Variants in VWA5A observed in about 807,000 individuals in gnomAD.
VWA5A encodes the protein von Willebrand factor A domain-containing protein 5A.
VWA5A carries 77 observed loss-of-function variants against 84.6 expected under a neutral mutation model. The ratio of observed to expected loss-of-function variants is 0.91; its 90% CI spans 0.76 to 1.10. The LOEUF (loss-of-function observed/expected upper bound fraction) is 1.10, where lower values mean the gene tolerates loss of function less well. VWA5A is among the 50% of genes least tolerant of loss of function. The pLI is 0.00. For missense variants in VWA5A, 973 were observed against 963.0 expected, an observed-to-expected ratio of 1.01 and a Z score of -0.14; for synonymous variants, 334 against 350.1, an observed-to-expected ratio of 0.95 and a Z score of 0.51.
chr11:124,117,463 C>G lies in VWA5A; in HGVS notation c.-15-34C>G, dbSNP rs139509037. ...TGGTGTTTGAACAGATAACTTCCAA[C>G]ATGTCCTCTGTTTGTGATATGTCTT... On this transcript the variant is annotated intron_variant, in intron 2 of 18. Coordinates refer to ENST00000456829, the MANE Select transcript of VWA5A (RefSeq NM_001130142.2). 787 of 1,598,692 alleles carry G rather than the reference C, an allele frequency of 4.9e-4. 2 individuals are homozygous for G. In the African/African-American group the frequency reaches 8.8e-3, roughly 18 times the overall value.
rs778069604 is a variant in VWA5A at position 124,123,027 on chromosome 11, A to G, written c.828A>G (p.Ser276=). The change falls in exon 8 of 19, where the codon TCA becomes TCG. Residue 276 remains serine (S), a synonymous_variant. Coordinates refer to ENST00000456829, the MANE Select transcript of VWA5A (RefSeq NM_001130142.2). Reference sequence around the variant, plus strand: ...CAAATATCCCAGAAGATCAACCATCAAATACCTGTGGAGAGTTTATCTTTC... The same window carrying G: ...CAAATATCCCAGAAGATCAACCATCGAATACCTGTGGAGAGTTTATCTTTC... ...FYPNIPEDQP[S]NTCGEFIFLM... 2.5e-6 allele frequency: 4 copies of G among 1,614,180 alleles called. No homozygotes were observed. The highest frequency in any genetic ancestry group is 3.4e-6 in the Non-Finnish European group (4 of 1,180,028).
rs963554313 is a variant in VWA5A, at chr11:124,117,345, C to A, written c.-15-152C>A. 3 of 738,540 alleles carry A rather than the reference C, an allele frequency of 4.1e-6. No individual in the cohort carries two copies. The African/African-American group carries it at 5.2e-5, about 13-fold the overall frequency. The allele number at this position is 738,540 out of a possible 1,614,324, so 45.7% of individuals were successfully genotyped here. A position where few individuals can be genotyped will look rare whatever the true frequency, so the allele number is the denominator to read the frequency against. On this transcript the variant is annotated intron_variant, in intron 2 of 18. Coordinates refer to ENST00000456829, the MANE Select transcript of VWA5A (RefSeq NM_001130142.2). ...TTAAAAGGACCCTTATGACTGAAAT[C>A]TTTGTCTCCTTTTTTTTAAAGGTTC...
rs551469534 is a variant in VWA5A at position 124,123,409 on chromosome 11, A to G, written c.974A>G (p.Tyr325Cys). 2.4e-4 allele frequency: 393 copies of G among 1,614,020 alleles called. 4 individuals are homozygous for G. The South Asian group carries it at 4.0e-3, about 16-fold the overall frequency. ...CTGAAGAGTTTACCTATAGGCTGTT[A>G]TTTCAACATCTATGGATTTGGCTCT... The part of the protein sequence containing the change: ...LLLKSLPIGC[Y>C]FNIYGFGSSY... The change falls in exon 9 of 19, where the codon TAT becomes TGT. Residue 325 changes from tyrosine to cysteine, a missense_variant. Coordinates refer to ENST00000456829, the MANE Select transcript of VWA5A (RefSeq NM_001130142.2).
chr11:124,130,295 A>C (rs10893150), intron 11 of VWA5A, among the ~76,000 whole-genome samples: 1 of 152,086 alleles, frequency 6.6e-6, no homozygotes, highest in African/African-American at 2.4e-5. Context: ...GTTTTGAATG[A>C]CTTTCTTAAT....
At chr11:124,135,116 C>T in intron 12 of VWA5A, 82 bp downstream of exon 12, 3 of 1,162,806 alleles carry the variant, frequency 2.6e-6, no homozygotes, top group Non-Finnish European at 3.7e-6. Context: ...TGTGTAAGGG[C>T]AGGGGTAGCA....
chr11:124,123,525 G>T, intron 9 of VWA5A, 71 bp downstream of exon 9: 1 of 1,599,980 alleles, frequency 6.3e-7, no homozygotes, highest in South Asian at 1.1e-5. Flanking sequence ...TGTTAAAGGG[G>T]TTACTGCGGA....
At chr11:124,122,151 G>A (rs546115841) in intron 7 of VWA5A, among the ~76,000 whole-genome samples, 2 of 152,268 alleles carry the variant, frequency 1.3e-5, no homozygotes, top group South Asian at 4.2e-4. Context: ...TCTTAAAAAT[G>A]GGATAAAGGA....
intron 10 of VWA5A, 89 bp from the exon 11 acceptor site, chr11:124,124,148 A>G (rs1009010154): frequency 1.6e-6 from 2 of 1,276,824 alleles, no homozygotes; most frequent in African/African-American, 1.5e-5. Context: ...AGCCTCTGCA[A>G]TGAAATAGGT....
chr11:124,124,700 T>C (rs1305774315), intron 11 of VWA5A: 1 of 364,572 alleles, frequency 2.7e-6, no homozygotes, highest in Non-Finnish European at 3.9e-6. Context: ...AAAACTGGAA[T>C]GGTCGTAGGC....
intron 11 of VWA5A, among the ~76,000 whole-genome samples, chr11:124,132,621 A>G (rs1472911863): frequency 1.3e-5 from 2 of 152,004 alleles, no homozygotes; most frequent in Non-Finnish European, 2.9e-5. Context: ...AATGTTGGTT[A>G]TTTGTGCCTT....
chr11:124,141,880 A>T, intron 16 of VWA5A, 139 bp downstream of exon 16: 2 of 1,250,582 alleles, frequency 1.6e-6, no homozygotes, highest in East Asian at 2.5e-5. Flanking sequence ...ATTGGAAAAG[A>T]TTCATTCCTC....
intron 17 of VWA5A, among the ~76,000 whole-genome samples, chr11:124,143,635 A>G (rs1258329193): frequency 6.6e-6 from 1 of 152,246 alleles, no homozygotes; most frequent in Non-Finnish European, 1.5e-5. Flanking sequence ...AATAAAATAT[A>G]TCAGTAAAAT....
At chr11:124,124,054 C>G (rs1864978766) in intron 10 of VWA5A, among the ~76,000 whole-genome samples, 183 bp from the exon 11 acceptor site, 1 of 152,064 alleles carries the variant, frequency 6.6e-6, no homozygotes, top group African/African-American at 2.4e-5. Context: ...CTAAAAATTC[C>G]CAGGGTTCTG....
Position 124,118,726 on chromosome 11 carries a change from A to G in VWA5A, c.645+18A>G. On this transcript the variant is annotated intron_variant, in intron 6 of 18. Coordinates refer to ENST00000456829, the MANE Select transcript of VWA5A (RefSeq NM_001130142.2). The stretch of plus-strand genomic sequence containing the variant: ...CTGCTCAGGTAGTTAATGAGAGAAT[A>G]CTGCTATTGTCAGTACCTCTGTTGC... The G allele has an allele frequency of 1.2e-6, 2 of 1,607,178 alleles. No individual in the cohort carries two copies. Among genetic ancestry groups the G allele is most frequent in the Non-Finnish European group, 1.7e-6 (2 of 1,176,142 alleles).
At chr11:124,125,594 T>C (rs752669295) in intron 11 of VWA5A, among the ~76,000 whole-genome samples, 4 of 152,212 alleles carry the variant, frequency 2.6e-5, no homozygotes, top group Non-Finnish European at 5.9e-5. Flanking sequence ...CTTATTATGG[T>C]TTTAACTTAC....
Position 124,117,542 on chromosome 11 carries a change from C to T in VWA5A, c.31C>T (p.His11Tyr), listed in dbSNP as rs146388977. ...GCACTTCTGTGGCCTACTCACCCTC[C>T]ACCGGGAGCCAGGTAAGCCTAATTT... MVHFCGLLTLHREPVPLKSIS... is the reference protein window; with the variant it reads MVHFCGLLTLYREPVPLKSIS... Residue 11 changes from histidine (H) to tyrosine (Y), a missense_variant, in exon 3 of 19, where the codon CAC becomes TAC. His to Tyr is a moderately conservative substitution (Grantham distance 83). Transcript: ENST00000456829. 131 of 1,614,102 alleles carry T rather than the reference C, an allele frequency of 8.1e-5. No individual in the cohort carries two copies. Among genetic ancestry groups the T allele is most frequent in the Non-Finnish European group, 9.9e-5 (117 of 1,180,054 alleles).
At chr11:124,131,794 T>G (rs1865101725) in intron 11 of VWA5A, among the ~76,000 whole-genome samples, 1 of 151,834 alleles carries the variant, frequency 6.6e-6, no homozygotes, top group African/African-American at 2.4e-5. Flanking sequence ...TCTCTTTTTC[T>G]TATTTTTTTT....
rs139058140 is a variant in VWA5A at position 124,127,051 on chromosome 11, G to A, written c.1244+2735G>A. 5.6e-3 allele frequency among the ~76,000 whole-genome samples: 848 copies of A among 152,160 alleles called. 10 individuals carry two copies. Among genetic ancestry groups the A allele is most frequent in the African/African-American group, 0.019 (804 of 41,496 alleles). On this transcript the variant is annotated intron_variant, in intron 11 of 18. Coordinates refer to ENST00000456829, the MANE Select transcript of VWA5A (RefSeq NM_001130142.2). Reference sequence around the variant, plus strand: ...ATTATGTTCTTTTTATTAAGTTCTGGGATGCATGTGCAGAACATGCAGGTT... The same window carrying A: ...ATTATGTTCTTTTTATTAAGTTCTGAGATGCATGTGCAGAACATGCAGGTT...
In VWA5A at chr11:124,145,923, A is replaced by G. The variant is rs1447841202; in HGVS notation, c.2339A>G (p.Asp780Gly). The G allele has an allele frequency of 3.8e-6, 6 of 1,587,386 alleles. No homozygotes were observed. Among genetic ancestry groups the G allele is most frequent in the Admixed American group, 3.4e-5 (2 of 58,450 alleles). ...AAITFLKSSVDPAIFAF is the reference protein window; with the variant it reads ...AAITFLKSSVGPAIFAF Reference sequence around the variant, plus strand: ...ATTACTTTCCTGAAGTCATCTGTGGATCCTGCTATCTTTGCCTTTTGAAGA... The same window carrying G: ...ATTACTTTCCTGAAGTCATCTGTGGGTCCTGCTATCTTTGCCTTTTGAAGA... Residue 780 changes from aspartate (D) to glycine (G), a missense_variant, in exon 19 of 19, where the codon GAT (aspartate) becomes GGT (glycine). Physicochemically the swap from Asp to Gly is moderately conservative, Grantham distance 94 (BLOSUM62 -1). Coordinates refer to ENST00000456829, the MANE Select transcript of VWA5A (RefSeq NM_001130142.2).
Sources: allele counts gnomAD v4.1 joint callset (sites outside exome capture counted in the v4.1 genomes callset), GRCh38; gene constraint gnomAD v4.1.1; transcripts MANE v1.5; gene names NCBI Gene and HGNC (gene_info 2026-07-23, HGNC 2026-07-21).